TENM3: variants seen among roughly 807,000 people sequenced by gnomAD.
TENM3 encodes the protein teneurin-3.
Under a neutral mutation model 255.1 loss-of-function variants are expected in TENM3, and 63 were observed. That is an observed-to-expected ratio of 0.25 (90% CI 0.20 to 0.30). TENM3 has a LOEUF of 0.30. TENM3 is among the 10% of genes least tolerant of loss of function. TENM3 has a pLI of 1.00. For synonymous variants in TENM3, 1,306 were observed against 1,322.3 expected (o/e 0.99, Z 0.27); for missense variants, 2,929 against 3,461.1 (o/e 0.85, Z 3.86).
At chr4:181,779,096 A>G in the TENM3 span, among the ~76,000 whole-genome samples, 6 of 151,996 alleles carry the variant, frequency 3.9e-5, no homozygotes, top group Non-Finnish European at 7.4e-5. Flanking sequence ...GGCCTTGTTT[A>G]TGTACCTGGT....
chr4:182,746,443 C>G (rs1016288628), intron 19 of TENM3, among the ~76,000 whole-genome samples: 4 of 152,134 alleles, frequency 2.6e-5, no homozygotes, highest in African/African-American at 9.7e-5. Flanking sequence ...AAGACATGTT[C>G]TGAGAGTAAT....
At chr4:181,571,507 A>C in the TENM3 span, among the ~76,000 whole-genome samples, 1 of 152,000 alleles carries the variant, frequency 6.6e-6, no homozygotes. Context: ...CAGGTAATTT[A>C]GAAAAAACTT....
At chr4:182,170,051 C>T (rs937344261) in intron 1 of TENM3, among the ~76,000 whole-genome samples, 10 of 150,348 alleles carry the variant, frequency 6.7e-5, no homozygotes, top group African/African-American at 1.7e-4. Context: ...CATACTAGAT[C>T]GCAACTGATT....
chr4:181,969,669 A>G, the TENM3 span, among the ~76,000 whole-genome samples: 417 of 152,362 alleles, frequency 2.7e-3, no homozygotes, highest in African/African-American at 9.3e-3. Context: ...TACATCCATC[A>G]GTGTTTGACA....
At chr4:182,714,313 G>C in intron 13 of TENM3, 80 bp downstream of exon 13, 2 of 174,296 alleles carry the variant, frequency 1.1e-5, no homozygotes, top group Non-Finnish European at 1.6e-5. Context: ...GATATCTGTT[G>C]CCAAAAAAAA....
chr4:181,653,562 G>A, the TENM3 span, among the ~76,000 whole-genome samples: 15 of 151,890 alleles, frequency 9.9e-5, no homozygotes, highest in African/African-American at 3.1e-4. Flanking sequence ...CACCACACCC[G>A]GCTAATTTTT....
At chr4:182,160,127 C>A (rs1006541681) in intron 1 of TENM3, among the ~76,000 whole-genome samples, 1 of 150,032 alleles carries the variant, frequency 6.7e-6, no homozygotes, top group East Asian at 2.0e-4. Flanking sequence ...CTCAGCCTCC[C>A]GAGTAGCTGG....
At chr4:181,496,146 T>C in the TENM3 span, among the ~76,000 whole-genome samples, 3 of 151,270 alleles carry the variant, frequency 2.0e-5, no homozygotes, top group Admixed American at 2.0e-4. Context: ...AAATGAACGC[T>C]GGGCCTCAAG....
At chr4:181,849,756 A>G in the TENM3 span, among the ~76,000 whole-genome samples, 1 of 152,134 alleles carries the variant, frequency 6.6e-6, no homozygotes, top group Non-Finnish European at 1.5e-5. Flanking sequence ...AGATTCTGAA[A>G]TACCCATTAT....
chr4:182,305,422 G>A (rs17073034), intron 1 of TENM3, among the ~76,000 whole-genome samples: 2,336 of 152,260 alleles, frequency 0.015, 49 homozygotes, highest in Admixed American at 0.064. Context: ...TTATTTCGAA[G>A]TAGGCCGTGA....
At chr4:181,785,926 C>T in the TENM3 span, among the ~76,000 whole-genome samples, 1 of 152,020 alleles carries the variant, frequency 6.6e-6, no homozygotes, top group Admixed American at 6.6e-5. Context: ...CCTTAACAAG[C>T]GTGACTTAAA....
the TENM3 span, among the ~76,000 whole-genome samples, chr4:181,835,635 A>G: frequency 6.6e-6 from 1 of 152,226 alleles, no homozygotes; most frequent in Admixed American, 6.5e-5. Flanking sequence ...TCTATTGCAT[A>G]TTCAGCTAAA....
chr4:181,936,741 A>C, the TENM3 span, among the ~76,000 whole-genome samples: 1 of 152,092 alleles, frequency 6.6e-6, no homozygotes, highest in East Asian at 2.0e-4. Flanking sequence ...TATCTGGCTT[A>C]ATCTAGGGGA....
chr4:182,675,263 G>T (rs1755573226), intron 7 of TENM3, among the ~76,000 whole-genome samples: 1 of 152,016 alleles, frequency 6.6e-6, no homozygotes, highest in Non-Finnish European at 1.5e-5. Flanking sequence ...TTTTCTTAAG[G>T]CTAGGCACAG....
the TENM3 span, among the ~76,000 whole-genome samples, chr4:181,496,678 C>A: frequency 6.6e-6 from 1 of 152,174 alleles, no homozygotes; most frequent in African/African-American, 2.4e-5. Context: ...AAGGTACATG[C>A]AATATGCACG....
At chr4:182,621,774 T>A (rs1370083698) in intron 4 of TENM3, among the ~76,000 whole-genome samples, 4 of 61,750 alleles carry the variant, frequency 6.5e-5, no homozygotes, top group African/African-American at 1.8e-4. Context: ...AATTATATAT[T>A]ATATATAATT....
At chr4:181,904,985 G>T in the TENM3 span, among the ~76,000 whole-genome samples, 1 of 152,184 alleles carries the variant, frequency 6.6e-6, no homozygotes, top group Non-Finnish European at 1.5e-5. Flanking sequence ...CATGTAAGAT[G>T]TGACTTGCTC....
intron 3 of TENM3, among the ~76,000 whole-genome samples, chr4:182,398,285 T>A (rs1189684354): frequency 1.3e-5 from 2 of 152,032 alleles, no homozygotes; most frequent in African/African-American, 4.8e-5. Context: ...AGGCTGTGAG[T>A]CCTATGCCTC....
the TENM3 span, among the ~76,000 whole-genome samples, chr4:181,472,564 A>T: frequency 6.6e-6 from 1 of 151,736 alleles, no homozygotes; most frequent in African/African-American, 2.4e-5. Flanking sequence ...TGACTTCTGG[A>T]TGCTGGGCAA....
Sources: gnomAD v4.1 joint callset for allele counts (sites outside exome capture counted in the v4.1 genomes callset) on GRCh38, gnomAD v4.1.1 for gene constraint, MANE v1.5 for transcripts, NCBI Gene and HGNC (gene_info 2026-07-23, HGNC 2026-07-21) for gene names.